Variants in TBC1D32 observed in about 807,000 individuals in gnomAD.
TBC1D32 encodes the protein protein broad-minded.
In TBC1D32, 151 loss-of-function variants were observed where a neutral mutation model predicts 170.3. The observed-to-expected ratio is 0.89, with a 90% CI of 0.78 to 1.01. The LOEUF is 1.01. TBC1D32 is among the 50% of genes least tolerant of loss of function. The pLI is 0.00. For missense variants in TBC1D32, 1,464 were observed against 1,457.1 expected (o/e 1.00, Z -0.08); for synonymous variants, 498 against 488.0 (o/e 1.02, Z -0.27).
chr6:121,274,544 C>T (rs1231069461), intron 15 of TBC1D32, among the ~76,000 whole-genome samples: 2 of 151,042 alleles, frequency 1.3e-5, no homozygotes, highest in Non-Finnish European at 2.9e-5. Context: ...AACTATTTTC[C>T]CTAAAAGGCA....
chr6:121,240,659 C>A (rs555392991), intron 19 of TBC1D32, among the ~76,000 whole-genome samples: 4 of 151,380 alleles, frequency 2.6e-5, no homozygotes, highest in South Asian at 4.2e-4. Flanking sequence ...GAGGCCAAGG[C>A]GGGCGAATCA....
intron 22 of TBC1D32, among the ~76,000 whole-genome samples, chr6:121,172,968 A>G (rs934808594): frequency 6.6e-6 from 1 of 152,128 alleles, no homozygotes; most frequent in Admixed American, 6.6e-5. Flanking sequence ...GCTCACACTG[A>G]CGAAGGGTGG....
intron 1 of TBC1D32, among the ~76,000 whole-genome samples, chr6:121,326,422 C>T (rs765993151): frequency 8.6e-5 from 13 of 152,030 alleles, no homozygotes; most frequent in Non-Finnish European, 1.9e-4. Flanking sequence ...CTTGATCTGA[C>T]CGCTATACAT....
At chr6:121,161,109 A>C in intron 22 of TBC1D32, 53 bp from the exon 23 acceptor site, 1 of 1,349,866 alleles carries the variant, frequency 7.4e-7, no homozygotes, top group Non-Finnish European at 1.0e-6. Context: ...ATATGTGTTA[A>C]TTTTTAAATC....
rs1554263739 is a variant in TBC1D32 at position 121,192,066 on chromosome 6, T to TTATATATATATATATA, written c.2570+12993_2570+13008dup. Among the ~76,000 whole-genome samples the TTATATATATATATATA allele has an allele frequency of 3.0e-4, 37 of 122,438 alleles. 1 individual carries two copies. Among genetic ancestry groups the TTATATATATATATATA allele is most frequent in the African/African-American group, 1.2e-3 (36 of 28,842 alleles). 80.3% of individuals were successfully genotyped at this position (122,438 alleles called of 152,430 possible). A position where few individuals can be genotyped will look rare whatever the true frequency, so the allele number is the denominator to read the frequency against. On this transcript the variant is annotated intron_variant, in intron 22 of 31. Coordinates refer to ENST00000398212, the MANE Select transcript of TBC1D32 (RefSeq NM_152730.6). ...AAGTTAATACTTAATAAACTACCCT[T>TTATATATATATATATA]TATATATATATATATATCCTATTAG...
chr6:121,317,727 C>A, intron 2 of TBC1D32, 55 bp from the exon 3 acceptor site: 3 of 1,271,694 alleles, frequency 2.4e-6, no homozygotes, highest in East Asian at 2.6e-5. Context: ...TTAAAACAGT[C>A]AACTAGTTAA....
intron 10 of TBC1D32, among the ~76,000 whole-genome samples, chr6:121,299,128 T>G (rs1806082756): frequency 6.6e-6 from 1 of 152,120 alleles, no homozygotes; most frequent in Non-Finnish European, 1.5e-5. Context: ...AATGGCTTTA[T>G]GAATACTTGA....
intron 22 of TBC1D32, among the ~76,000 whole-genome samples, chr6:121,200,608 G>A (rs1038440828): frequency 4.0e-5 from 6 of 151,630 alleles, no homozygotes; most frequent in Non-Finnish European, 7.4e-5. Context: ...TGGTAGACAC[G>A]AAAGTAGAAG....
At chr6:121,206,266 CAT>C (rs1368974903) in intron 21 of TBC1D32, among the ~76,000 whole-genome samples, 3 of 150,708 alleles carry the variant, frequency 2.0e-5, no homozygotes, top group Non-Finnish European at 4.4e-5. Flanking sequence ...CCTGCTTTTA[CAT>C]ATATCTTTGG....
intron 24 of TBC1D32, among the ~76,000 whole-genome samples, chr6:121,146,611 C>T (rs1053238780): frequency 2.6e-5 from 4 of 152,158 alleles, no homozygotes; most frequent in African/African-American, 9.7e-5. Context: ...ACACACCATA[C>T]TGGGTATACT....
Position 121,080,840 on chromosome 6 carries a change from T to C in TBC1D32, c.3705A>G (p.Glu1235=). 6.2e-7 allele frequency: 1 copy of C among 1,613,966 alleles called. No homozygotes were observed. The highest frequency in any genetic ancestry group is 1.1e-5 in the South Asian group (1 of 91,076). Residue 1235 remains glutamate (E), a synonymous_variant, in exon 32 of 32, where the codon GAA becomes GAG. Coordinates refer to ENST00000398212, the MANE Select transcript of TBC1D32 (RefSeq NM_152730.6). Reference sequence around the variant, plus strand: ...CTGTTCGGTAGTTTTGTTCCAAAATTTCCATGTATTCAAAATAATCACTCA... The same window carrying C: ...CTGTTCGGTAGTTTTGTTCCAAAATCTCCATGTATTCAAAATAATCACTCA... ...FRVSDYFEYM[E]ILEQNYRTVL...
chr6:121,204,966 G>T, intron 22 of TBC1D32, 109 bp downstream of exon 22: 1 of 580,744 alleles, frequency 1.7e-6, no homozygotes, highest in Non-Finnish European at 2.9e-6. Flanking sequence ...CTTTAAGCAT[G>T]CTTTTAAATA....
intron 22 of TBC1D32, among the ~76,000 whole-genome samples, chr6:121,171,649 C>G (rs1277144263): frequency 6.6e-6 from 1 of 151,692 alleles, no homozygotes; most frequent in Non-Finnish European, 1.5e-5. Flanking sequence ...CCTTAAAGTA[C>G]TTAAGAAAAA....
rs1212171253 is a variant in TBC1D32 at position 121,080,331 on chromosome 6, C to T, written c.*440G>A. 1 of 314,354 alleles carries T rather than the reference C, an allele frequency of 3.2e-6. No homozygotes were observed. The highest frequency in any genetic ancestry group is 2.5e-5 in the South Asian group (1 of 39,846). The allele number at this position is 314,354 out of a possible 1,614,324, so 19.5% of individuals were successfully genotyped here. Reference sequence around the variant, plus strand: ...CTCCCGGGTTCAAGCGATTCTCCTGCCTCAGCCTCCCAAGTAGCAGGGACT... The same window carrying T: ...CTCCCGGGTTCAAGCGATTCTCCTGTCTCAGCCTCCCAAGTAGCAGGGACT... On this transcript the variant is annotated 3_prime_UTR_variant, in exon 32 of 32. Transcript: ENST00000398212.
chr6:121,160,444 T>G (rs987027142), intron 23 of TBC1D32, among the ~76,000 whole-genome samples: 7 of 148,816 alleles, frequency 4.7e-5, no homozygotes, highest in Admixed American at 2.2e-4. Flanking sequence ...ACAAAACTTT[T>G]TCTCGTGCTG....
intron 21 of TBC1D32, among the ~76,000 whole-genome samples, chr6:121,215,571 A>C (rs547049822): frequency 6.6e-4 from 101 of 152,240 alleles, no homozygotes; most frequent in Non-Finnish European, 1.3e-3. Flanking sequence ...TAAACAGACA[A>C]CCTATAGTAT....
At chr6:121,227,864 A>C (rs1358803411) in intron 20 of TBC1D32, among the ~76,000 whole-genome samples, 1 of 152,118 alleles carries the variant, frequency 6.6e-6, no homozygotes, top group African/African-American at 2.4e-5. Context: ...AGCTTGTGTG[A>C]GATCAGTGCT....
At chr6:121,090,719 T>C in intron 31 of TBC1D32, 134 bp downstream of exon 31, 2 of 740,632 alleles carry the variant, frequency 2.7e-6, no homozygotes, top group Non-Finnish European at 4.3e-6. Flanking sequence ...ATCTCTAAAA[T>C]GGGGATGATA....
chr6:121,310,057 T>G (rs1807945676), intron 4 of TBC1D32, among the ~76,000 whole-genome samples: 1 of 151,576 alleles, frequency 6.6e-6, no homozygotes, highest in Non-Finnish European at 1.5e-5. Flanking sequence ...ATATAAAATT[T>G]TTCTAAAAAA....
Sources: allele counts gnomAD v4.1 joint callset (sites outside exome capture counted in the v4.1 genomes callset), GRCh38; gene constraint gnomAD v4.1.1; transcripts MANE v1.5; gene names NCBI Gene and HGNC (gene_info 2026-07-23, HGNC 2026-07-21).